The following ERBB4 variants were observed in gnomAD, a reference collection of about 807,000 sequenced individuals.
ERBB4 encodes erb-b2 receptor tyrosine kinase 4.
In ERBB4, 42 loss-of-function variants were observed where a neutral mutation model predicts 158.0. The observed-to-expected ratio is 0.27, with a 90% CI of 0.21 to 0.34. ERBB4 has a LOEUF of 0.34. Ranked by LOEUF, ERBB4 falls within the 10% of genes least tolerant of loss-of-function variation. The pLI is 1.00. For synonymous variants in ERBB4, 583 were observed against 558.7 expected, an observed-to-expected ratio of 1.04 and a Z score of -0.61; for missense variants, 1,333 against 1,624.1, an observed-to-expected ratio of 0.82 and a Z score of 3.08.
At chr2:212,283,619 A>G (rs1024024573) in intron 1 of ERBB4, among the ~76,000 whole-genome samples, 9 of 152,018 alleles carry the variant, frequency 5.9e-5, no homozygotes, top group African/African-American at 2.2e-4. Flanking sequence ...ATGCAATGCT[A>G]GTTTAAATGC....
chr2:211,766,240 C>G (rs2075547618), intron 4 of ERBB4, among the ~76,000 whole-genome samples: 1 of 152,198 alleles, frequency 6.6e-6, no homozygotes, highest in African/African-American at 2.4e-5. Context: ...AAGTTGCATA[C>G]AGCTGCTTGC....
intron 5 of ERBB4, among the ~76,000 whole-genome samples, chr2:211,748,683 C>T (rs2075042747): frequency 6.6e-6 from 1 of 152,154 alleles, no homozygotes; most frequent in Non-Finnish European, 1.5e-5. Flanking sequence ...GCCTCTTTGA[C>T]CCCTCTGTAA....
At position 212,357,629 on chromosome 2, in the gene ERBB4, C is replaced by T. The variant is rs11897247; in HGVS notation, c.82+180820G>A. On this transcript the variant is annotated intron_variant, in intron 1 of 27. Transcript: ENST00000342788. ...GAGAAGCCCAGACACTGAAAATGGT[C>T]TCATCAACACAACCAACATTTTCCT... Among the ~76,000 whole-genome samples the T allele has an allele frequency of 8.2e-3, 1,246 of 151,610 alleles. 32 individuals are homozygous for T. The East Asian group carries it at 0.089, about 11-fold the overall frequency.
rs574547643 is a variant in ERBB4 at position 211,748,662 on chromosome 2, C to A, written c.622+1977G>T. Among the ~76,000 whole-genome samples, 4 of 152,272 alleles carry A rather than the reference C, an allele frequency of 2.6e-5. No homozygotes were observed. The South Asian group carries it at 8.3e-4, about 32-fold the overall frequency. ...AGAGTGGCTCAGCCACAACAAGGAG[C>A]TTTTGCAGAAGCCTCTTTGACCCCT... On this transcript the variant is annotated intron_variant, in intron 5 of 27. Transcript: ENST00000342788.
At chr2:212,229,696 T>A (rs564317767) in intron 1 of ERBB4, among the ~76,000 whole-genome samples, 3 of 152,250 alleles carry the variant, frequency 2.0e-5, no homozygotes, top group African/African-American at 7.2e-5. Flanking sequence ...ATCCAGGTGA[T>A]AAATAATGAG....
chr2:212,434,781 C>T (rs950056534), intron 1 of ERBB4, among the ~76,000 whole-genome samples: 2 of 152,082 alleles, frequency 1.3e-5, no homozygotes, highest in African/African-American at 4.8e-5. Flanking sequence ...TCTTCTATTA[C>T]GTAGATCATT....
intron 1 of ERBB4, among the ~76,000 whole-genome samples, chr2:212,308,042 C>A (rs1182444756): frequency 6.6e-6 from 1 of 150,754 alleles, no homozygotes; most frequent in Non-Finnish European, 1.5e-5. Flanking sequence ...TACCTTAATT[C>A]TCTCCAAAAA....
chr2:211,782,243 C>G (rs560633526), intron 4 of ERBB4, among the ~76,000 whole-genome samples: 1 of 152,154 alleles, frequency 6.6e-6, no homozygotes, highest in Non-Finnish European at 1.5e-5. Context: ...AAACAATTCC[C>G]CATGTCTGCA....
chr2:211,539,274 T>C (rs1318141719), intron 20 of ERBB4, among the ~76,000 whole-genome samples: 2 of 151,974 alleles, frequency 1.3e-5, no homozygotes, highest in South Asian at 2.1e-4. Flanking sequence ...GTAGTATTAT[T>C]AGTACCAAGA....
intron 2 of ERBB4, among the ~76,000 whole-genome samples, chr2:212,041,694 C>G (rs1184962329): frequency 2.0e-5 from 3 of 151,464 alleles, no homozygotes. Flanking sequence ...CAGAAAAAAA[C>G]AGTATCAATA....
rs1396966569 is a variant in ERBB4 at position 211,907,185 on chromosome 2, G to T, written c.421+40245C>A. On this transcript the variant is annotated intron_variant, in intron 3 of 27. Transcript: ENST00000342788. Reference sequence around the variant, plus strand: ...TATTTTCACTAAATATAATATCTAAGAAAAATATATTGACAAGGCAGCTGA... The same window carrying T: ...TATTTTCACTAAATATAATATCTAATAAAAATATATTGACAAGGCAGCTGA... 1.3e-5 allele frequency among the ~76,000 whole-genome samples: 2 copies of T among 151,606 alleles called. 1 individual carries two copies. The highest frequency in any genetic ancestry group is 3.9e-4 in the East Asian group (2 of 5,096).
At chr2:211,992,566 A>AG (rs1449183847) in intron 2 of ERBB4, among the ~76,000 whole-genome samples, 1 of 61,292 alleles carries the variant, frequency 1.6e-5, no homozygotes. Context: ...AGAGAGAGAG[A>AG]GAAAAAAAAA....
At chr2:211,923,911 G>A (rs144809039) in intron 3 of ERBB4, among the ~76,000 whole-genome samples, 152 of 152,090 alleles carry the variant, frequency 1.0e-3, no homozygotes, top group African/African-American at 3.3e-3. Flanking sequence ...GAGTAGAGAC[G>A]GGGTTTCACC....
At chr2:211,879,429 C>T (rs529713084) in intron 3 of ERBB4, among the ~76,000 whole-genome samples, 1 of 152,228 alleles carries the variant, frequency 6.6e-6, no homozygotes, top group African/African-American at 2.4e-5. Flanking sequence ...CATTGATAAT[C>T]AAATACAAAT....
intron 20 of ERBB4, among the ~76,000 whole-genome samples, chr2:211,492,296 G>A (rs1325889599): frequency 6.6e-6 from 1 of 152,080 alleles, no homozygotes; most frequent in Non-Finnish European, 1.5e-5. Context: ...TCAGGTTTTG[G>A]AGTAATATAT....
chr2:212,306,353 A>G (rs1224331317), intron 1 of ERBB4, among the ~76,000 whole-genome samples: 5 of 151,568 alleles, frequency 3.3e-5, no homozygotes, highest in Non-Finnish European at 7.4e-5. Context: ...GAGTATACAC[A>G]AACACAAACC....
At chr2:212,175,694 C>T (rs2081644531) in intron 1 of ERBB4, among the ~76,000 whole-genome samples, 1 of 147,462 alleles carries the variant, frequency 6.8e-6, no homozygotes, top group African/African-American at 2.5e-5. Context: ...AAGATTTATT[C>T]TTAGTTTGGA....
chr2:211,974,465 C>A (rs1402522665), intron 2 of ERBB4, among the ~76,000 whole-genome samples: 1 of 152,158 alleles, frequency 6.6e-6, no homozygotes, highest in Non-Finnish European at 1.5e-5. Context: ...AGTTGTGGTT[C>A]AAATTGTGTC....
intron 20 of ERBB4, among the ~76,000 whole-genome samples, chr2:211,513,357 CAA>C (rs61042785): frequency 2.6e-3 from 100 of 39,200 alleles, no homozygotes; most frequent in African/African-American, 5.9e-3. Context: ...GACTCCGTCT[CAA>C]AAAAAAAAAA....
Sources: allele counts gnomAD v4.1 joint callset (sites outside exome capture counted in the v4.1 genomes callset), GRCh38; gene constraint gnomAD v4.1.1; transcripts MANE v1.5; gene names NCBI Gene and HGNC (gene_info 2026-07-23, HGNC 2026-07-21).